Variants in NCOR1 observed in about 807,000 individuals in gnomAD.
NCOR1 encodes the protein nuclear receptor corepressor 1, also known as protein phosphatase 1, regulatory subunit 109.
NCOR1 carries 63 observed loss-of-function variants against 288.1 expected under a neutral mutation model. The observed-to-expected ratio is 0.22, with a 90% CI of 0.18 to 0.27. The LOEUF is 0.27. Ranked by LOEUF, NCOR1 falls within the 10% of genes least tolerant of loss-of-function variation. NCOR1 has a pLI of 1.00. For missense variants in NCOR1, 2,397 were observed against 3,019.2 expected (o/e 0.79, Z 4.83); for synonymous variants, 1,007 against 1,065.9 (o/e 0.94, Z 1.08).
chr17:16,146,692 AGAG>A, intron 9 of NCOR1, 144 bp from the exon 10 acceptor site: 3 of 680,132 alleles, frequency 4.4e-6, no homozygotes, highest in Middle Eastern at 4.1e-4. Flanking sequence ...AAAAGCACAA[AGAG>A]GAGAGAGGAA....
intron 35 of NCOR1, among the ~76,000 whole-genome samples, chr17:16,062,978 C>T (rs1195470813): frequency 1.3e-5 from 2 of 152,128 alleles, no homozygotes; most frequent in African/African-American, 4.8e-5. Flanking sequence ...AATCCCTCCC[C>T]AGTCACTTTC....
chr17:16,043,151 CTG>C (rs775727486), intron 42 of NCOR1, among the ~76,000 whole-genome samples: 1 of 152,174 alleles, frequency 6.6e-6, no homozygotes, highest in Non-Finnish European at 1.5e-5. Flanking sequence ...AAGTGGTTCA[CTG>C]TGTCAAAAGC....
chr17:16,047,787 T>TA (rs2058838359), intron 41 of NCOR1, among the ~76,000 whole-genome samples: 1 of 152,210 alleles, frequency 6.6e-6, no homozygotes, highest in Non-Finnish European at 1.5e-5. Context: ...ATTGAAAACC[T>TA]AATCCAATCA....
rs768431009 is a variant in NCOR1, at chr17:16,092,019, C to T, written c.2860G>A (p.Val954Met). ...CGCTGGTAGAGAGCATAGCCGCTCACTGGGGTTCCAATTGGTATGTTACAT... is the reference window on the plus strand; with the variant it reads ...CGCTGGTAGAGAGCATAGCCGCTCATTGGGGTTCCAATTGGTATGTTACAT... ...TPCNIPIGTP[V>M]SGYALYQRHI... is the part of the protein sequence containing the mutation. The change falls in exon 22 of 46, where the codon GTG becomes ATG. Residue 954 changes from valine to methionine, a missense_variant. Coordinates refer to ENST00000268712, the MANE Select transcript of NCOR1 (RefSeq NM_006311.4). 2.7e-5 allele frequency: 44 copies of T among 1,614,038 alleles called. No homozygotes were observed. Among genetic ancestry groups the T allele is most frequent in the Non-Finnish European group, 3.3e-5 (39 of 1,180,058 alleles).
At position 16,098,472 on chromosome 17, in the gene NCOR1, A is replaced by T. The variant is rs1463733545; in HGVS notation, c.2715T>A (p.Pro905=). The stretch of plus-strand genomic sequence containing the variant: ...TAGATCCAGTGGGGTTTAACAGTGA[A>T]GGCTTTGAGTCCATAGGAAACATTC... ...RQRMFPMDSK[P]SLLNPTGSIL... Residue 905 remains proline (P), a synonymous_variant, in exon 21 of 46, where the codon CCT becomes CCA. Coordinates refer to ENST00000268712, the MANE Select transcript of NCOR1 (RefSeq NM_006311.4). 1.2e-6 allele frequency: 2 copies of T among 1,612,470 alleles called. No homozygotes were observed. The highest frequency in any genetic ancestry group is 1.7e-6 in the Non-Finnish European group (2 of 1,179,378).
At chr17:16,192,174 T>C (rs967845078) in intron 2 of NCOR1, 5 of 141,610 alleles carry the variant, frequency 3.5e-5, no homozygotes, top group African/African-American at 1.0e-4. Flanking sequence ...AAAAAACCCA[T>C]ACCCAAATTG....
intron 23 of NCOR1, chr17:16,084,492 T>G (rs1297085267): frequency 6.6e-6 from 1 of 152,130 alleles, no homozygotes; most frequent in Non-Finnish European, 1.5e-5. Flanking sequence ...TATATGAAAA[T>G]GCAAAAGACA....
intron 26 of NCOR1, among the ~76,000 whole-genome samples, chr17:16,077,575 AGGGGAG>A (rs1351938433): frequency 1.2e-4 from 1 of 8,106 alleles, no homozygotes; most frequent in Non-Finnish European, 2.1e-4. Flanking sequence ...GAGAGGGGGG[AGGGGAG>A]GGGGAGGGGA....
At chr17:16,092,279 C>T (rs2065293648) in intron 21 of NCOR1, among the ~76,000 whole-genome samples, 1 of 151,970 alleles carries the variant, frequency 6.6e-6, no homozygotes, top group Admixed American at 6.6e-5. Context: ...CACCTGAGGT[C>T]GGGAGTTCAA....
At chr17:16,144,410 T>C (rs2077562055) in intron 10 of NCOR1, among the ~76,000 whole-genome samples, 1 of 152,248 alleles carries the variant, frequency 6.6e-6, no homozygotes, top group Admixed American at 6.5e-5. Flanking sequence ...TAATGTTTAC[T>C]GGTTGATAAT....
chr17:16,202,153 G>C (rs941983700), intron 1 of NCOR1, among the ~76,000 whole-genome samples: 12 of 151,796 alleles, frequency 7.9e-5, no homozygotes, highest in Non-Finnish European at 1.8e-4. Flanking sequence ...GAACCCGGGA[G>C]GCAGAGGCTG....
intron 2 of NCOR1, among the ~76,000 whole-genome samples, 180 bp downstream of exon 2, chr17:16,194,282 C>G (rs1204547525): frequency 1.0e-5 from 1 of 99,184 alleles, no homozygotes; most frequent in Admixed American, 9.4e-5. Flanking sequence ...CAGCATAAAG[C>G]CACAGTAAGA....
At position 16,188,227 on chromosome 17, in the gene NCOR1, G is replaced by A. The variant is rs191081696; in HGVS notation, c.109-1540C>T. 1.6e-4 allele frequency among the ~76,000 whole-genome samples: 25 copies of A among 152,254 alleles called. No homozygotes were observed. In the East Asian group the frequency reaches 4.8e-3, roughly 29 times the overall value. On this transcript the variant is annotated intron_variant, in intron 2 of 45. Coordinates refer to ENST00000268712, the MANE Select transcript of NCOR1 (RefSeq NM_006311.4). ...AAACAGAGGGTAGATAAGCCATTGA[G>A]AGCCCTTCTCTATAAGTTATGAGTA... is the stretch of plus-strand genomic sequence containing the variant.
intron 20 of NCOR1, among the ~76,000 whole-genome samples, chr17:16,100,238 AAAGT>A (rs1278013735): frequency 2.0e-5 from 3 of 152,252 alleles, no homozygotes; most frequent in Admixed American, 6.5e-5. Flanking sequence ...TATATTAAAT[AAAGT>A]AATAACTGTA....
intron 38 of NCOR1, 155 bp from the exon 39 acceptor site, chr17:16,058,219 T>C: frequency 1.0e-6 from 1 of 963,714 alleles, no homozygotes; most frequent in Non-Finnish European, 1.5e-6. Context: ...AAAAAATTAT[T>C]CACTGAAGAA....
At chr17:16,048,708 G>A in intron 41 of NCOR1, 137 bp downstream of exon 41, 11 of 858,544 alleles carry the variant, frequency 1.3e-5, no homozygotes, top group Non-Finnish European at 1.8e-5. Flanking sequence ...AGTAGGAAAA[G>A]AGACAAATGA....
intron 39 of NCOR1, 66 bp downstream of exon 39, chr17:16,057,841 T>C: frequency 3.3e-6 from 5 of 1,502,998 alleles, no homozygotes; most frequent in African/African-American, 1.4e-5. Flanking sequence ...TCTTTTTCTA[T>C]ATGAAATCTG....
At chr17:16,208,750 C>T (rs1479538519) in intron 1 of NCOR1, among the ~76,000 whole-genome samples, 3 of 151,828 alleles carry the variant, frequency 2.0e-5, no homozygotes, top group Admixed American at 1.3e-4. Context: ...TCAGAAGAAC[C>T]GCGTGAGCCC....
intron 21 of NCOR1, among the ~76,000 whole-genome samples, chr17:16,092,686 TATATATA>T (rs1238755560): frequency 0.019 from 279 of 15,008 alleles, 2 homozygotes; most frequent in Non-Finnish European, 0.023. Context: ...TATATATATA[TATATATA>T]TATTTTTTTT....
Sources: gnomAD v4.1 joint callset for allele counts (sites outside exome capture counted in the v4.1 genomes callset) on GRCh38, gnomAD v4.1.1 for gene constraint, MANE v1.5 for transcripts, NCBI Gene and HGNC (gene_info 2026-07-23, HGNC 2026-07-21) for gene names.